Variants in GFM2 observed in about 807,000 individuals in gnomAD.
GFM2 encodes GTP dependent ribosome recycling factor mitochondrial 2.
A neutral mutation model predicts 95.4 loss-of-function variants in GFM2; 72 were observed. The observed-to-expected ratio is 0.76, with a 90% CI of 0.62 to 0.92. The LOEUF is 0.92. GFM2 is among the 40% of genes least tolerant of loss of function. The pLI, the probability that GFM2 is intolerant of heterozygous loss-of-function variation, is 0.00. For missense variants in GFM2, 825 were observed against 924.1 expected, an observed-to-expected ratio of 0.89 and a Z score of 1.39; for synonymous variants, 276 against 317.5, an observed-to-expected ratio of 0.87 and a Z score of 1.39.
chr5:74,760,619 T>G (rs1440304756), intron 3 of GFM2, among the ~76,000 whole-genome samples: 3 of 152,190 alleles, frequency 2.0e-5, no homozygotes, highest in African/African-American at 7.2e-5. Flanking sequence ...ACAAGAGCAC[T>G]CTACAATTAC....
chr5:74,763,426 C>T lies in GFM2; in HGVS notation c.63+254G>A, dbSNP rs551014304. Among the ~76,000 whole-genome samples the T allele has an allele frequency of 2.1e-4, 32 of 152,274 alleles. No individual in the cohort carries two copies. In the South Asian group the frequency reaches 6.6e-3, roughly 32 times the overall value. ...TAAAACCCTACCCCTCCTTCAAAAA[C>T]AACTGGCATTTTAGTACTCCATGAG... On this transcript the variant is annotated intron_variant, in intron 2 of 20. Transcript: ENST00000296805.
At chr5:74,766,749 A>C (rs1744644633) in intron 1 of GFM2, among the ~76,000 whole-genome samples, 189 bp downstream of exon 1, 1 of 152,242 alleles carries the variant, frequency 6.6e-6, no homozygotes, top group Admixed American at 6.5e-5. Flanking sequence ...GACCGGAACA[A>C]AGATGAGTCG....
At chr5:74,747,816 C>A in intron 7 of GFM2, 36 bp from the exon 8 acceptor site, 1 of 1,174,310 alleles carries the variant, frequency 8.5e-7, no homozygotes, top group Non-Finnish European at 1.3e-6. Context: ...ACATACTGAA[C>A]AAAAGTAACT....
At chr5:74,744,954 A>G (rs1183301627) in intron 10 of GFM2, among the ~76,000 whole-genome samples, 1 of 152,242 alleles carries the variant, frequency 6.6e-6, no homozygotes, top group African/African-American at 2.4e-5. Flanking sequence ...AATGTTGAGC[A>G]ATGTCATAAA....
chr5:74,729,653 G>A (rs1434450671), intron 17 of GFM2, among the ~76,000 whole-genome samples: 1 of 149,454 alleles, frequency 6.7e-6, no homozygotes, highest in Admixed American at 6.7e-5. Flanking sequence ...TGAGGAACTT[G>A]AAAGTACCTG....
At chr5:74,732,128 A>ATTTT (rs533165001) in intron 16 of GFM2, among the ~76,000 whole-genome samples, 356 of 85,264 alleles carry the variant, frequency 4.2e-3, no homozygotes, top group African/African-American at 5.8e-3. Flanking sequence ...CTAATTTTTA[A>ATTTT]TTTTTTTTTT....
At chr5:74,736,258 G>A (rs1742827545) in intron 15 of GFM2, 1 of 482,418 alleles carries the variant, frequency 2.1e-6, no homozygotes. Context: ...TGGAATCATG[G>A]GTTTTACATA....
At position 74,763,760 on chromosome 5, in the gene GFM2, T is replaced by C. The variant is rs1561266915; in HGVS notation, c.-18A>G. 2 of 1,597,680 alleles carry C rather than the reference T, an allele frequency of 1.3e-6. No individual in the cohort carries two copies. The highest frequency in any genetic ancestry group is 2.2e-5 in the East Asian group (1 of 44,700). On this transcript the variant is annotated 5_prime_UTR_variant, in exon 2 of 21. Coordinates refer to ENST00000296805, the MANE Select transcript of GFM2 (RefSeq NM_032380.5). Reference sequence around the variant, plus strand: ...GTCAACATCTTGATCCTCCAAACTGTTACTGTCTGAAAAAATAAATATACA... The same window carrying C: ...GTCAACATCTTGATCCTCCAAACTGCTACTGTCTGAAAAAATAAATATACA...
intron 15 of GFM2, 108 bp downstream of exon 15, chr5:74,736,688 A>G: frequency 6.5e-7 from 1 of 1,533,682 alleles, no homozygotes; most frequent in East Asian, 2.3e-5. Context: ...CAATATATTC[A>G]GATAAAATTT....
intron 5 of GFM2, among the ~76,000 whole-genome samples, chr5:74,755,075 G>A (rs149150520): frequency 3.3e-5 from 5 of 152,180 alleles, no homozygotes; most frequent in East Asian, 1.9e-4. Flanking sequence ...CAGGCTAGAC[G>A]ACACAGCCAG....
In GFM2 at chr5:74,733,253, A is replaced by G. The variant is rs561787228; in HGVS notation, c.1511-155T>C. The stretch of plus-strand genomic sequence containing the variant: ...CGTCTGTAATCCCAGCACTTTGGGA[A>G]GCCAAGACAGAATGATCGCTTGAGC... On this transcript the variant is annotated intron_variant, in intron 15 of 20. Transcript: ENST00000296805. 5.3e-5 allele frequency: 30 copies of G among 562,110 alleles called. No homozygotes were observed. In the South Asian group the frequency reaches 5.8e-4, roughly 11 times the overall value. The allele number at this position is 562,110 out of a possible 1,614,324, so 34.8% of individuals were successfully genotyped here.
chr5:74,725,028 TA>T (rs1380615795), intron 19 of GFM2: 1 of 152,200 alleles, frequency 6.6e-6, no homozygotes, highest in Non-Finnish European at 1.5e-5. Flanking sequence ...CTGAATCTGT[TA>T]TTCAGTGGGA....
intron 10 of GFM2, among the ~76,000 whole-genome samples, chr5:74,742,068 A>G (rs1428969733): frequency 6.6e-6 from 1 of 152,214 alleles, no homozygotes; most frequent in Non-Finnish European, 1.5e-5. Context: ...GTAATCCCGC[A>G]CTGAAGAAAT....
At chr5:74,760,766 C>G in intron 3 of GFM2, 136 bp downstream of exon 3, 1 of 660,518 alleles carries the variant, frequency 1.5e-6, no homozygotes, top group South Asian at 1.9e-5. Context: ...ACTCCCGCCC[C>G]TAATAATCTC....
chr5:74,758,777 T>C, intron 5 of GFM2, 72 bp downstream of exon 5: 2 of 947,142 alleles, frequency 2.1e-6, no homozygotes, highest in Non-Finnish European at 3.4e-6. Flanking sequence ...GTAAGTTGAC[T>C]TGTTAACCAA....
chr5:74,722,304 T>C, intron 20 of GFM2, 75 bp downstream of exon 20: 1 of 1,152,520 alleles, frequency 8.7e-7, no homozygotes, highest in South Asian at 1.4e-5. Flanking sequence ...TTCAGGTTAC[T>C]GATTGTCTAT....
rs917403459 is a variant in GFM2 at position 74,740,803 on chromosome 5, T to A, written c.931-666A>T. Among the ~76,000 whole-genome samples, 5 of 152,326 alleles carry A rather than the reference T, an allele frequency of 3.3e-5. No homozygotes were observed. In the East Asian group the frequency reaches 9.6e-4, roughly 29 times the overall value. ...AAATACTTTTTTTCATTCTAACTTATGAGTGGCTCAATAACATGTTTCAGC... is the reference window on the plus strand; with the variant it reads ...AAATACTTTTTTTCATTCTAACTTAAGAGTGGCTCAATAACATGTTTCAGC... On this transcript the variant is annotated intron_variant, in intron 11 of 20. Transcript: ENST00000296805.
intron 10 of GFM2, among the ~76,000 whole-genome samples, chr5:74,742,066 G>A (rs181669408): frequency 8.5e-4 from 130 of 152,196 alleles, no homozygotes; most frequent in Middle Eastern, 6.8e-3. Flanking sequence ...CTGTAATCCC[G>A]CACTGAAGAA....
intron 18 of GFM2, 63 bp from the exon 19 acceptor site, chr5:74,725,818 G>C: frequency 6.9e-7 from 1 of 1,454,680 alleles, no homozygotes; most frequent in Non-Finnish European, 9.6e-7. Flanking sequence ...TAACTGAGAA[G>C]TGCAAAGGAA....
Sources: allele counts gnomAD v4.1 joint callset (sites outside exome capture counted in the v4.1 genomes callset), GRCh38; gene constraint gnomAD v4.1.1; transcripts MANE v1.5; gene names NCBI Gene and HGNC (gene_info 2026-07-23, HGNC 2026-07-21).